Variants in DOCK5 observed in about 807,000 individuals in gnomAD.
The protein encoded by DOCK5 is dedicator of cytokinesis 5.
DOCK5 carries 142 observed loss-of-function variants against 251.8 expected under a neutral mutation model. That is an observed-to-expected ratio of 0.56 (90% confidence interval 0.49 to 0.65). DOCK5 has a LOEUF of 0.65. DOCK5 is among the 30% of genes least tolerant of loss of function. The pLI, the probability that DOCK5 is intolerant of heterozygous loss-of-function variation, is 0.00. For missense variants in DOCK5, 2,111 were observed against 2,312.3 expected (o/e 0.91, Z 1.79); for synonymous variants, 842 against 835.5 (o/e 1.01, Z -0.13).
chr8:25,188,199 G>A (rs1801481040), intron 1 of DOCK5, among the ~76,000 whole-genome samples: 1 of 152,160 alleles, frequency 6.6e-6, no homozygotes, highest in Non-Finnish European at 1.5e-5. Context: ...TGGTTAGATG[G>A]AGGAAGGGAG....
chr8:25,204,538 A>G (rs916138007), intron 1 of DOCK5, among the ~76,000 whole-genome samples: 38 of 152,340 alleles, frequency 2.5e-4, no homozygotes, highest in African/African-American at 8.9e-4. Context: ...GGCCACATTA[A>G]TGGACTAAAA....
At chr8:25,376,325 TGTTTGTTAAGTATA>T (rs1800963224) in intron 37 of DOCK5, 2 of 985,386 alleles carry the variant, frequency 2.0e-6, no homozygotes, top group South Asian at 9.4e-5. Context: ...ATAGAGATGC[TGTTTGTTAAGTATA>T]GTTCACATTT....
chr8:25,275,342 G>T, intron 3 of DOCK5, 44 bp from the exon 4 acceptor site: 1 of 1,524,374 alleles, frequency 6.6e-7, no homozygotes, highest in Non-Finnish European at 8.9e-7. Context: ...TTTGGTTTTT[G>T]TTTTGTTTTT....
At chr8:25,188,870 G>A (rs1179342728) in intron 1 of DOCK5, among the ~76,000 whole-genome samples, 1 of 151,884 alleles carries the variant, frequency 6.6e-6, no homozygotes, top group African/African-American at 2.4e-5. Context: ...AGCATATGAA[G>A]ATATAAAACA....
rs560469079 is a variant in DOCK5 at position 25,258,659 on chromosome 8, C to A, written c.128-10186C>A. On this transcript the variant is annotated intron_variant, in intron 2 of 51. Coordinates refer to ENST00000276440, the MANE Select transcript of DOCK5 (RefSeq NM_024940.8). ...CTCAGACCCTGCTATCCAAGTGTGT[C>A]TTGTGGGTGCAGGTTTCATTGCATA... Among the ~76,000 whole-genome samples the A allele has an allele frequency of 9.2e-5, 14 of 152,302 alleles. No homozygotes were observed. In the East Asian group the frequency reaches 1.5e-3, roughly 17 times the overall value.
intron 2 of DOCK5, among the ~76,000 whole-genome samples, chr8:25,254,939 G>A (rs1001211715): frequency 3.7e-4 from 56 of 152,080 alleles, no homozygotes; most frequent in African/African-American, 1.3e-3. Context: ...CATATGGCAT[G>A]TAAGTGTGTG....
chr8:25,235,788 C>T (rs1042384506), intron 1 of DOCK5, among the ~76,000 whole-genome samples: 25 of 144,510 alleles, frequency 1.7e-4, no homozygotes, highest in Middle Eastern at 3.6e-3. Flanking sequence ...AGATTTTTTT[C>T]TTTTCTTTTC....
At chr8:25,285,429 G>A (rs1042272205) in intron 5 of DOCK5, among the ~76,000 whole-genome samples, 1 of 152,166 alleles carries the variant, frequency 6.6e-6, no homozygotes, top group Non-Finnish European at 1.5e-5. Context: ...ACAGGTGTGA[G>A]CCACTATGCC....
At chr8:25,224,534 A>G (rs569330401) in intron 1 of DOCK5, among the ~76,000 whole-genome samples, 1 of 152,358 alleles carries the variant, frequency 6.6e-6, no homozygotes, top group South Asian at 2.1e-4. Context: ...GTCACTCTGA[A>G]TCTTACTAAC....
intron 40 of DOCK5, among the ~76,000 whole-genome samples, chr8:25,386,977 A>G (rs1208144736): frequency 1.3e-5 from 2 of 152,242 alleles, no homozygotes; most frequent in African/African-American, 2.4e-5. Flanking sequence ...AAAGTAGTTT[A>G]GAGATGTTAA....
intron 16 of DOCK5, among the ~76,000 whole-genome samples, chr8:25,321,654 G>A (rs556079382): frequency 2.0e-5 from 3 of 152,076 alleles, no homozygotes; most frequent in Non-Finnish European, 4.4e-5. Context: ...GTGATAATGC[G>A]AGCAGTGGGG....
chr8:25,358,922 G>C (rs776592537), intron 27 of DOCK5, 41 bp from the exon 28 acceptor site: 1 of 1,566,758 alleles, frequency 6.4e-7, no homozygotes, highest in South Asian at 1.1e-5. Context: ...TCAGTTGGTG[G>C]TCTAAGGAGT....
At chr8:25,357,098 A>T (rs1216370392) in intron 27 of DOCK5, among the ~76,000 whole-genome samples, 3 of 151,902 alleles carry the variant, frequency 2.0e-5, no homozygotes, top group Admixed American at 6.6e-5. Context: ...AAACAGCAAC[A>T]TGAGAAAGCT....
rs1233946868 is a variant in DOCK5, at chr8:25,212,004, C to CA, written c.43+27060dup. Among the ~76,000 whole-genome samples, 2 of 63,958 alleles carry CA rather than the reference C, an allele frequency of 3.1e-5. 1 individual carries two copies. The highest frequency in any genetic ancestry group is 9.8e-5 in the Non-Finnish European group (2 of 20,380). 42.0% of individuals were successfully genotyped at this position (63,958 alleles called of 152,430 possible). ...TGAATCCCTGTCTATACTGAAAATACAAAAAAATTAGCCAGGCATGGTGGC... is the reference window on the plus strand; with the variant it reads ...TGAATCCCTGTCTATACTGAAAATACAAAAAAAATTAGCCAGGCATGGTGGC... On this transcript the variant is annotated intron_variant, in intron 1 of 51. Coordinates refer to ENST00000276440, the MANE Select transcript of DOCK5 (RefSeq NM_024940.8).
chr8:25,342,464 C>T lies in DOCK5; in HGVS notation c.2574C>T (p.Asn858=). 6.2e-7 allele frequency: 1 copy of T among 1,600,992 alleles called. No individual in the cohort carries two copies. The highest frequency in any genetic ancestry group is 8.5e-7 in the Non-Finnish European group (1 of 1,172,778). ...PDNQLVRQKL[N]CMTKIVESTL... ...ACCAGCTGGTTCGGCAGAAACTTAACTGCATGACCAAGATAGTAGAGAGCA... is the reference window on the plus strand; with the variant it reads ...ACCAGCTGGTTCGGCAGAAACTTAATTGCATGACCAAGATAGTAGAGAGCA... The change falls in exon 25 of 52, where the codon AAC becomes AAT. Residue 858 remains asparagine (N), a synonymous_variant. Transcript: ENST00000276440.
chr8:25,194,217 C>T (rs1485010213), intron 1 of DOCK5, among the ~76,000 whole-genome samples: 1 of 151,830 alleles, frequency 6.6e-6, no homozygotes, highest in Non-Finnish European at 1.5e-5. Context: ...TTGCTTCAGC[C>T]CAGGAGGCGG....
chr8:25,209,171 G>GAGAGAAGTTTC (rs1338665663), intron 1 of DOCK5, among the ~76,000 whole-genome samples: 2 of 75,484 alleles, frequency 2.6e-5, no homozygotes, highest in Non-Finnish European at 4.3e-5. Flanking sequence ...GAGGCTCAGA[G>GAGAGAAGTTTC]CACATTAGCG....
At chr8:25,356,717 T>G (rs181423493) in intron 27 of DOCK5, among the ~76,000 whole-genome samples, 105 of 150,478 alleles carry the variant, frequency 7.0e-4, no homozygotes, top group African/African-American at 2.4e-3. Context: ...TTTGTTCAAC[T>G]TCATGCTATA....
At chr8:25,208,666 T>A (rs995020772) in intron 1 of DOCK5, among the ~76,000 whole-genome samples, 1 of 152,250 alleles carries the variant, frequency 6.6e-6, no homozygotes, top group Admixed American at 6.5e-5. Flanking sequence ...TTGACTGTAG[T>A]GTAAACATAA....
Sources: gnomAD v4.1 joint callset for allele counts (sites outside exome capture counted in the v4.1 genomes callset) on GRCh38, gnomAD v4.1.1 for gene constraint, MANE v1.5 for transcripts, NCBI Gene and HGNC (gene_info 2026-07-23, HGNC 2026-07-21) for gene names.